The following XNDC1N variants were observed in gnomAD, a reference collection of about 807,000 sequenced individuals.
XNDC1N encodes protein XNDC1N.
the XNDC1N span, chr11:71,893,891 G>A: frequency 1.7e-5 from 16 of 956,922 alleles, no homozygotes; most frequent in Non-Finnish European, 2.4e-5. Flanking sequence ...CCTCACCTCT[G>A]TGTCTTCTTC....
the XNDC1N span, among the ~76,000 whole-genome samples, chr11:71,891,601 G>C: frequency 6.6e-6 from 1 of 152,088 alleles, no homozygotes; most frequent in Non-Finnish European, 1.5e-5. Context: ...TTCCTACACT[G>C]TTGACAGCAA....
At chr11:71,928,337 C>A in the XNDC1N span, 1 of 633,844 alleles carries the variant, frequency 1.6e-6, no homozygotes, top group Non-Finnish European at 2.8e-6. Flanking sequence ...CACTCCCCTC[C>A]CCATCAACAA....
the XNDC1N span, among the ~76,000 whole-genome samples, chr11:71,900,266 C>A: frequency 6.6e-6 from 1 of 152,188 alleles, no homozygotes; most frequent in Non-Finnish European, 1.5e-5. Flanking sequence ...AGCGCCGGTC[C>A]CCTGGGCTCA....
At chr11:71,888,866 G>A in the XNDC1N span, among the ~76,000 whole-genome samples, 1 of 152,142 alleles carries the variant, frequency 6.6e-6, no homozygotes, top group Non-Finnish European at 1.5e-5. Context: ...CCTCCACCCC[G>A]CCACCTTGCT....
the XNDC1N span, among the ~76,000 whole-genome samples, chr11:71,891,010 A>G: frequency 6.6e-6 from 1 of 151,806 alleles, no homozygotes. Flanking sequence ...TTGGGAGTGA[A>G]ATTTTCCTCT....
the XNDC1N span, among the ~76,000 whole-genome samples, chr11:71,898,834 C>A: frequency 8.5e-5 from 13 of 152,098 alleles, no homozygotes; most frequent in African/African-American, 3.1e-4. Context: ...TGTCATGAAA[C>A]TGTAAACTGA....
At chr11:71,874,392 A>G in the XNDC1N span, among the ~76,000 whole-genome samples, 1 of 152,246 alleles carries the variant, frequency 6.6e-6, no homozygotes, top group South Asian at 2.1e-4. Context: ...GGTTGTAATT[A>G]TTAAATGAGA....
the XNDC1N span, among the ~76,000 whole-genome samples, chr11:71,909,841 A>C: frequency 6.6e-6 from 1 of 152,136 alleles, no homozygotes. Flanking sequence ...GAGAGCCACT[A>C]TCTCTTTGAC....
chr11:71,872,357 AC>A, the XNDC1N span, among the ~76,000 whole-genome samples: 1 of 152,234 alleles, frequency 6.6e-6, no homozygotes, highest in Non-Finnish European at 1.5e-5. Flanking sequence ...TGCAACAATA[AC>A]TAATACACTA....
chr11:71,887,530 C>A, the XNDC1N span, among the ~76,000 whole-genome samples: 1 of 151,450 alleles, frequency 6.6e-6, no homozygotes, highest in Non-Finnish European at 1.5e-5. Context: ...TAAGCGGTGG[C>A]CAAGAGTATG....
At chr11:71,897,044 T>C in the XNDC1N span, among the ~76,000 whole-genome samples, 8 of 152,228 alleles carry the variant, frequency 5.3e-5, no homozygotes, top group East Asian at 9.7e-4. Context: ...AGAATGAAGG[T>C]GGACCCTATG....
the XNDC1N span, among the ~76,000 whole-genome samples, chr11:71,905,573 A>T: frequency 2.0e-5 from 3 of 152,024 alleles, no homozygotes; most frequent in African/African-American, 4.8e-5. Context: ...ATGATATCAC[A>T]AGGTGTACAC....
At chr11:71,888,653 T>C in the XNDC1N span, among the ~76,000 whole-genome samples, 14 of 152,242 alleles carry the variant, frequency 9.2e-5, no homozygotes, top group African/African-American at 2.7e-4. Context: ...GCCCCCCTGT[T>C]GGAGGGCCTT....
chr11:71,902,515 TCCA>T, the XNDC1N span, among the ~76,000 whole-genome samples: 1 of 152,136 alleles, frequency 6.6e-6, no homozygotes, highest in Non-Finnish European at 1.5e-5. Context: ...AAACTCTAAG[TCCA>T]CCTAAGCTAA....
chr11:71,909,703 G>C, the XNDC1N span, among the ~76,000 whole-genome samples: 2 of 152,152 alleles, frequency 1.3e-5, no homozygotes, highest in African/African-American at 4.8e-5. Flanking sequence ...AGCCACGGGG[G>C]TTTCAGCAAA....
the XNDC1N span, among the ~76,000 whole-genome samples, chr11:71,877,904 T>A: frequency 5.3e-5 from 8 of 152,238 alleles, no homozygotes; most frequent in Non-Finnish European, 1.0e-4. Flanking sequence ...AAACAATTTG[T>A]GTTAACTTAG....
the XNDC1N span, among the ~76,000 whole-genome samples, chr11:71,906,598 A>G: frequency 2.2e-4 from 33 of 152,254 alleles, no homozygotes; most frequent in Admixed American, 2.0e-3. Context: ...TCCCGCTGGG[A>G]TATTACGAAT....
At chr11:71,905,740 G>A in the XNDC1N span, among the ~76,000 whole-genome samples, 1 of 152,024 alleles carries the variant, frequency 6.6e-6, no homozygotes, top group African/African-American at 2.4e-5. Flanking sequence ...GATATTAGAA[G>A]TAATGTTTAC....
At chr11:71,883,177 T>C in the XNDC1N span, among the ~76,000 whole-genome samples, 1 of 152,262 alleles carries the variant, frequency 6.6e-6, no homozygotes, top group South Asian at 2.1e-4. Flanking sequence ...TTCAAAGCAA[T>C]TTATAGATTA....
Sources: allele counts gnomAD v4.1 joint callset (sites outside exome capture counted in the v4.1 genomes callset), GRCh38; gene constraint gnomAD v4.1.1; transcripts MANE v1.5; gene names NCBI Gene and HGNC (gene_info 2026-07-23, HGNC 2026-07-21).